EFCAB11: variants seen among roughly 807,000 people sequenced by gnomAD.
EFCAB11 encodes EF-hand calcium binding domain 11.
EFCAB11 carries 14 observed loss-of-function variants against 23.0 expected under a neutral mutation model. The observed-to-expected ratio is 0.61, with a 90% CI of 0.40 to 0.95. EFCAB11 has a LOEUF of 0.95. EFCAB11 is among the 40% of genes least tolerant of loss of function. The pLI is 0.00. For synonymous variants in EFCAB11, 65 were observed against 66.6 expected (o/e 0.98, Z 0.11); for missense variants, 198 against 195.8 (o/e 1.01, Z -0.07).
intron 5 of EFCAB11, among the ~76,000 whole-genome samples, chr14:89,926,947 T>G (rs969013449): frequency 2.0e-5 from 3 of 152,230 alleles, no homozygotes; most frequent in African/African-American, 7.2e-5. Context: ...CACAACAGAA[T>G]GTCAACGTTA....
chr14:89,887,767 T>C (rs1474934794), intron 5 of EFCAB11, among the ~76,000 whole-genome samples: 1 of 152,132 alleles, frequency 6.6e-6, no homozygotes, highest in Non-Finnish European at 1.5e-5. Context: ...TAGGCAGGGA[T>C]CAAAAAAGCA....
intron 5 of EFCAB11, among the ~76,000 whole-genome samples, chr14:89,824,085 T>C (rs766099354): frequency 6.6e-6 from 1 of 152,082 alleles, no homozygotes; most frequent in Non-Finnish European, 1.5e-5. Context: ...AGAAGCTCAA[T>C]GAACTCTAAG....
At chr14:89,830,954 T>C (rs986279776) in intron 5 of EFCAB11, 15 of 152,202 alleles carry the variant, frequency 9.9e-5, no homozygotes, top group African/African-American at 3.1e-4. Context: ...ATACCTATCA[T>C]AGGTGAGATG....
intron 5 of EFCAB11, among the ~76,000 whole-genome samples, chr14:89,874,581 G>T (rs956539630): frequency 6.6e-6 from 1 of 152,148 alleles, no homozygotes; most frequent in Non-Finnish European, 1.5e-5. Context: ...CTTTGTGAAT[G>T]AATAAAGTGG....
At position 89,954,455 on chromosome 14, in the gene EFCAB11, C is replaced by T; in HGVS notation, c.75+131G>A. On this transcript the variant is annotated intron_variant, in intron 1 of 5. Transcript: ENST00000316738. ...CTGCAGCTCCAGGATCAGTCATTAACCACGACCCTTTGGACAGGCAGCCCA... is the reference window on the plus strand; with the variant it reads ...CTGCAGCTCCAGGATCAGTCATTAATCACGACCCTTTGGACAGGCAGCCCA... The T allele has an allele frequency of 2.6e-6, 4 of 1,538,144 alleles. No homozygotes were observed. In the South Asian group the frequency reaches 3.6e-5, roughly 14 times the overall value.
intron 5 of EFCAB11, among the ~76,000 whole-genome samples, chr14:89,877,047 T>G (rs115155687): frequency 6.6e-6 from 1 of 151,900 alleles, no homozygotes; most frequent in East Asian, 1.9e-4. Context: ...ACCAAAAGTT[T>G]TTTTTTTTTT....
chr14:89,850,852 C>T (rs958925300), intron 5 of EFCAB11, among the ~76,000 whole-genome samples: 10 of 152,144 alleles, frequency 6.6e-5, no homozygotes, highest in Non-Finnish European at 4.4e-5. Flanking sequence ...TGGTTAGTGG[C>T]TTCTTGGGAT....
At chr14:89,934,128 T>C (rs1372416904) in intron 3 of EFCAB11, among the ~76,000 whole-genome samples, 1 of 152,194 alleles carries the variant, frequency 6.6e-6, no homozygotes, top group Non-Finnish European at 1.5e-5. Context: ...ATTTGGGTTT[T>C]ATTTAAGTGG....
intron 5 of EFCAB11, among the ~76,000 whole-genome samples, chr14:89,912,267 TAAAGAG>T (rs1399451224): frequency 6.6e-6 from 1 of 152,216 alleles, no homozygotes; most frequent in Non-Finnish European, 1.5e-5. Context: ...TATTGGCCTT[TAAAGAG>T]AAAAAGGATC....
At chr14:89,945,381 G>A (rs917136743) in intron 3 of EFCAB11, among the ~76,000 whole-genome samples, 2 of 152,104 alleles carry the variant, frequency 1.3e-5, no homozygotes, top group Non-Finnish European at 1.5e-5. Context: ...CACTTTCCAA[G>A]TATTGCTTTC....
intron 3 of EFCAB11, among the ~76,000 whole-genome samples, chr14:89,942,536 G>A (rs1194791178): frequency 6.6e-6 from 1 of 152,154 alleles, no homozygotes; most frequent in Non-Finnish European, 1.5e-5. Context: ...AAGTTATGAA[G>A]TGCATCACAG....
chr14:89,861,956 C>A (rs1214717760), intron 5 of EFCAB11, among the ~76,000 whole-genome samples: 1 of 152,188 alleles, frequency 6.6e-6, no homozygotes, highest in Admixed American at 6.5e-5. Context: ...GAGACACAAA[C>A]CAAATTTAAT....
intron 5 of EFCAB11, chr14:89,924,493 G>A: frequency 7.1e-7 from 1 of 1,407,852 alleles, no homozygotes; most frequent in Non-Finnish European, 9.2e-7. Context: ...TGGTGGGAAT[G>A]TACAAATAGC....
chr14:89,870,000 CCTT>C (rs1370296093), intron 5 of EFCAB11, among the ~76,000 whole-genome samples: 1 of 152,204 alleles, frequency 6.6e-6, no homozygotes, highest in Non-Finnish European at 1.5e-5. Context: ...CTTGAAGAAT[CCTT>C]CTTTCTCCTG....
At chr14:89,940,929 T>C (rs1453055521) in intron 3 of EFCAB11, among the ~76,000 whole-genome samples, 1 of 152,204 alleles carries the variant, frequency 6.6e-6, no homozygotes, top group Non-Finnish European at 1.5e-5. Flanking sequence ...ATCTACAATT[T>C]ATTCTGGAAT....
chr14:89,861,816 A>G (rs1887933556), intron 5 of EFCAB11, among the ~76,000 whole-genome samples: 1 of 152,186 alleles, frequency 6.6e-6, no homozygotes, highest in Non-Finnish European at 1.5e-5. Context: ...TGATGCAGCA[A>G]GATGGTCCTC....
At chr14:89,904,927 T>A (rs1889449629) in intron 5 of EFCAB11, among the ~76,000 whole-genome samples, 1 of 152,192 alleles carries the variant, frequency 6.6e-6, no homozygotes, top group African/African-American at 2.4e-5. Flanking sequence ...GATCCTTTGT[T>A]GGGGGTGGTC....
At chr14:89,817,877 C>G (rs1189373189) in intron 5 of EFCAB11, among the ~76,000 whole-genome samples, 2 of 151,960 alleles carry the variant, frequency 1.3e-5, no homozygotes, top group Non-Finnish European at 2.9e-5. Flanking sequence ...GCCTGGAGTC[C>G]CAGCTACTCA....
At chr14:89,923,609 G>T in intron 5 of EFCAB11, 1 of 869,006 alleles carries the variant, frequency 1.2e-6, no homozygotes, top group Non-Finnish European at 1.4e-6. Flanking sequence ...TGGCTACAAA[G>T]AATGAAATAT....
Sources: allele counts gnomAD v4.1 joint callset (sites outside exome capture counted in the v4.1 genomes callset), GRCh38; gene constraint gnomAD v4.1.1; transcripts MANE v1.5; gene names NCBI Gene and HGNC (gene_info 2026-07-23, HGNC 2026-07-21).